The following BICC1 variants were observed in gnomAD, a reference collection of about 807,000 sequenced individuals.
The protein encoded by BICC1 is protein bicaudal C homolog 1.
BICC1 carries 43 observed loss-of-function variants against 111.0 expected under a neutral mutation model. The ratio of observed to expected loss-of-function variants is 0.39; its 90% CI spans 0.30 to 0.50. The LOEUF (loss-of-function observed/expected upper bound fraction) is 0.50. Among genes scored for constraint, BICC1 ranks in the 20% least tolerant of loss-of-function variants. BICC1 has a pLI of 0.88. For missense variants in BICC1, 1,091 were observed against 1,203.2 expected, an observed-to-expected ratio of 0.91 and a Z score of 1.38; for synonymous variants, 467 against 434.4, an observed-to-expected ratio of 1.07 and a Z score of -0.93.
At chr10:58,586,725 A>G (rs1208813623) in intron 1 of BICC1, among the ~76,000 whole-genome samples, 1 of 152,182 alleles carries the variant, frequency 6.6e-6, no homozygotes, top group Non-Finnish European at 1.5e-5. Flanking sequence ...CTACATACAT[A>G]TACATGCAAA....
At position 58,800,332 on chromosome 10, in the gene BICC1, G is replaced by T. The variant is rs1316968297; in HGVS notation, c.1858+6G>T. 6 of 1,612,004 alleles carry T rather than the reference G, an allele frequency of 3.7e-6. No individual in the cohort carries two copies. In the South Asian group the frequency reaches 6.6e-5, roughly 18 times the overall value. ...CAAATCAAGCCCCACTGAAGGTCGG[G>T]AACTGTACCCTTCTGAAATTCATTT... is the stretch of plus-strand genomic sequence containing the variant. On this transcript the variant is annotated splice_donor_region_variant and intron_variant, in intron 13 of 20. Transcript: ENST00000373886.
intron 2 of BICC1, among the ~76,000 whole-genome samples, chr10:58,630,152 C>T (rs1007833398): frequency 6.6e-6 from 1 of 152,048 alleles, no homozygotes; most frequent in Admixed American, 6.6e-5. Context: ...AGACTCATCT[C>T]TATTGAGTTA....
At chr10:58,729,481 C>A (rs559476549) in intron 3 of BICC1, among the ~76,000 whole-genome samples, 3 of 152,308 alleles carry the variant, frequency 2.0e-5, no homozygotes, top group Admixed American at 1.3e-4. Flanking sequence ...TGGCTTCTTA[C>A]ATTTTCTATT....
At chr10:58,651,118 A>G (rs1838434158) in intron 2 of BICC1, among the ~76,000 whole-genome samples, 2 of 152,188 alleles carry the variant, frequency 1.3e-5, no homozygotes, top group African/African-American at 2.4e-5. Flanking sequence ...ACCACGCTCT[A>G]AGCTTTGTGA....
intron 1 of BICC1, among the ~76,000 whole-genome samples, chr10:58,554,515 G>A (rs1620186): frequency 0.43 from 66,000 of 151,884 alleles, 16,120 homozygotes; most frequent in Admixed American, 0.62. Flanking sequence ...TTATTTTATG[G>A]TTCAGTTTCT....
chr10:58,682,309 A>G (rs941502921), intron 2 of BICC1, among the ~76,000 whole-genome samples: 5 of 152,140 alleles, frequency 3.3e-5, no homozygotes, highest in African/African-American at 1.2e-4. Flanking sequence ...GCTATTGTGA[A>G]TAGTGCCACA....
intron 3 of BICC1, among the ~76,000 whole-genome samples, chr10:58,705,548 TCTTAC>T (rs1429592215): frequency 6.6e-6 from 1 of 152,212 alleles, no homozygotes; most frequent in Non-Finnish European, 1.5e-5. Context: ...CACTTTTCTT[TCTTAC>T]CTTTCACTCC....
chr10:58,666,742 G>A (rs1460452393), intron 2 of BICC1, among the ~76,000 whole-genome samples: 1 of 152,056 alleles, frequency 6.6e-6, no homozygotes, highest in Non-Finnish European at 1.5e-5. Flanking sequence ...ACTAAAGACA[G>A]AAAACCAATC....
chr10:58,707,594 A>G (rs1840424601), intron 3 of BICC1, among the ~76,000 whole-genome samples: 1 of 151,956 alleles, frequency 6.6e-6, no homozygotes, highest in Non-Finnish European at 1.5e-5. Context: ...AAGTAGTGCA[A>G]TTTCACCTCA....
chr10:58,559,809 T>C (rs140597497), intron 1 of BICC1, among the ~76,000 whole-genome samples: 14 of 152,226 alleles, frequency 9.2e-5, no homozygotes, highest in African/African-American at 3.1e-4. Context: ...GGATGTCGAA[T>C]TTTATCAAAT....
intron 4 of BICC1, 73 bp from the exon 5 acceptor site, chr10:58,786,850 T>C: frequency 8.3e-7 from 1 of 1,203,728 alleles, no homozygotes; most frequent in Non-Finnish European, 1.1e-6. Context: ...ACCATTCCCT[T>C]GAGGGAAAGA....
Position 58,583,780 on chromosome 10 carries a change from T to TAG in BICC1, c.191-37073_191-37072dup, listed in dbSNP as rs1262106013. Among the ~76,000 whole-genome samples the TAG allele has an allele frequency of 1.3e-4, 20 of 152,304 alleles. 1 individual carries two copies. The highest frequency in any genetic ancestry group is 1.0e-3 in the Admixed American group (16 of 15,300). ...ATATAATGACTTCTTTTCCTCTGGG[T>TAG]AGATGCCCAGTAGTGGGATTGCTGG... On this transcript the variant is annotated intron_variant, in intron 1 of 20. Coordinates refer to ENST00000373886, the MANE Select transcript of BICC1 (RefSeq NM_001080512.3).
chr10:58,594,548 A>G (rs576587519), intron 1 of BICC1, among the ~76,000 whole-genome samples: 2 of 152,348 alleles, frequency 1.3e-5, no homozygotes, highest in South Asian at 4.1e-4. Flanking sequence ...CCTACAAGCC[A>G]GAAGAGGGTA....
chr10:58,543,067 C>T (rs76478245), intron 1 of BICC1, among the ~76,000 whole-genome samples: 2,148 of 152,092 alleles, frequency 0.014, 50 homozygotes, highest in African/African-American at 0.049. Context: ...ATGTGCACAC[C>T]CATTTGCATT....
In BICC1 at chr10:58,829,221, T is replaced by TTTTTTTA. The variant is rs1371770660; in HGVS notation, c.*331_*332insTTTTTAT. On this transcript the variant is annotated 3_prime_UTR_variant, in exon 21 of 21. Coordinates refer to ENST00000373886, the MANE Select transcript of BICC1 (RefSeq NM_001080512.3). Reference sequence around the variant, plus strand: ...TTTTTTTTTTTTTTTTTTTTTTTTTTTACTTAAAATGAAGGATGAATTGAC... The same window carrying TTTTTTTA: ...TTTTTTTTTTTTTTTTTTTTTTTTTTTTTTTTATACTTAAAATGAAGGATGAATTGAC... 3 of 153,410 alleles carry TTTTTTTA rather than the reference T, an allele frequency of 2.0e-5. No individual in the cohort carries two copies. The highest frequency in any genetic ancestry group is 7.8e-5 in the African/African-American group (3 of 38,288). The allele number at this position is 153,410 out of a possible 1,614,324, so 9.5% of individuals were successfully genotyped here.
chr10:58,604,710 ATAT>A (rs1398136316), intron 1 of BICC1, among the ~76,000 whole-genome samples: 1 of 152,182 alleles, frequency 6.6e-6, no homozygotes, highest in Admixed American at 6.5e-5. Flanking sequence ...TCCTGAATGA[ATAT>A]TAGTTCATGC....
At chr10:58,530,851 A>G (rs921419946) in intron 1 of BICC1, among the ~76,000 whole-genome samples, 4 of 151,790 alleles carry the variant, frequency 2.6e-5, no homozygotes, top group African/African-American at 9.7e-5. Context: ...AGCAAGATGG[A>G]GGAATAGGGA....
intron 1 of BICC1, among the ~76,000 whole-genome samples, chr10:58,587,419 A>G (rs1381284637): frequency 6.6e-6 from 1 of 152,220 alleles, no homozygotes; most frequent in East Asian, 1.9e-4. Context: ...TATTTTTAAT[A>G]TTCAGAATTT....
At chr10:58,775,779 A>G (rs1198829371) in intron 3 of BICC1, among the ~76,000 whole-genome samples, 1 of 152,180 alleles carries the variant, frequency 6.6e-6, no homozygotes, top group Non-Finnish European at 1.5e-5. Context: ...AGTGAGAAGA[A>G]GGCAGATAGG....
Sources: allele counts gnomAD v4.1 joint callset (sites outside exome capture counted in the v4.1 genomes callset), GRCh38; gene constraint gnomAD v4.1.1; transcripts MANE v1.5; gene names NCBI Gene and HGNC (gene_info 2026-07-23, HGNC 2026-07-21).